Variants in PRR14L observed in about 807,000 individuals in gnomAD.
The protein encoded by PRR14L is proline rich 14 like.
In PRR14L, 80 loss-of-function variants were observed where a neutral mutation model predicts 155.0. The observed-to-expected ratio is 0.52, with a 90% confidence interval of 0.43 to 0.62. The LOEUF is 0.62. Among genes scored for constraint, PRR14L ranks in the 20% least tolerant of loss-of-function variants. The pLI is 0.00. For synonymous variants in PRR14L, 883 were observed against 916.0 expected (o/e 0.96, Z 0.65); for missense variants, 2,469 against 2,548.0 (o/e 0.97, Z 0.67).
Position 31,738,908 on chromosome 22 carries a change from C to G in PRR14L, c.-48G>C. The G allele has an allele frequency of 8.0e-7, 1 of 1,252,718 alleles. No individual in the cohort carries two copies. Among genetic ancestry groups the G allele is most frequent in the Non-Finnish European group, 1.1e-6 (1 of 909,508 alleles). 77.6% of individuals were successfully genotyped at this position (1,252,718 alleles called of 1,614,324 possible). On this transcript the variant is annotated 5_prime_UTR_variant, in exon 2 of 9. Coordinates refer to ENST00000327423, the MANE Select transcript of PRR14L (RefSeq NM_173566.3). Reference sequence around the variant, plus strand: ...GTCAAGTCTTTTACATCAAATGATTCACCCTGACACAAATCACAGGAAGGG... The same window carrying G: ...GTCAAGTCTTTTACATCAAATGATTGACCCTGACACAAATCACAGGAAGGG...
At chr22:31,748,292 CA>C (rs1383119674) in intron 1 of PRR14L, among the ~76,000 whole-genome samples, 1 of 152,166 alleles carries the variant, frequency 6.6e-6, no homozygotes, top group Non-Finnish European at 1.5e-5. Context: ...AATCCCAAGA[CA>C]AACCAAAAGT....
chr22:31,694,584 A>G (rs531547419), intron 7 of PRR14L, among the ~76,000 whole-genome samples: 65 of 151,656 alleles, frequency 4.3e-4, no homozygotes, highest in African/African-American at 1.3e-3. Context: ...TGTCTCTACT[A>G]AAAATACAAA....
chr22:31,702,763 G>A (rs1282479567), intron 6 of PRR14L, among the ~76,000 whole-genome samples: 7 of 151,954 alleles, frequency 4.6e-5, no homozygotes, highest in African/African-American at 9.7e-5. Flanking sequence ...TGATCCGCCC[G>A]CCCTGGCCTC....
intron 1 of PRR14L, among the ~76,000 whole-genome samples, chr22:31,747,594 T>G (rs2074846137): frequency 6.6e-6 from 1 of 151,594 alleles, no homozygotes; most frequent in South Asian, 2.1e-4. Flanking sequence ...ATAAATATCC[T>G]AAGACTCCAA....
At chr22:31,691,231 T>C (rs1221677612) in intron 7 of PRR14L, among the ~76,000 whole-genome samples, 1 of 152,190 alleles carries the variant, frequency 6.6e-6, no homozygotes, top group Non-Finnish European at 1.5e-5. Flanking sequence ...CCTCCCATAG[T>C]GCTGGGATCA....
chr22:31,714,668 G>A lies in PRR14L; in HGVS notation c.3171C>T (p.Tyr1057=), dbSNP rs1352842026. ...ESTEGMVDIV[Y]TDCSNKLAEG... ...CTGCAAGCTTATTACTACAGTCCGT[G>A]TAGACGATGTCTACCATACCTTCTG... is the stretch of plus-strand genomic sequence containing the variant. Residue 1057 remains tyrosine (Y), a synonymous_variant, in exon 4 of 9, where the codon TAC becomes TAT. Coordinates refer to ENST00000327423, the MANE Select transcript of PRR14L (RefSeq NM_173566.3). 1 of 1,552,278 alleles carries A rather than the reference G, an allele frequency of 6.4e-7. No individual in the cohort carries two copies. Among genetic ancestry groups the A allele is most frequent in the Non-Finnish European group, 8.7e-7 (1 of 1,147,130 alleles).
chr22:31,704,679 T>C lies in PRR14L; in HGVS notation c.5804A>G (p.Tyr1935Cys), dbSNP rs746194422. The change falls in exon 5 of 9, where the codon TAT becomes TGT. Residue 1935 changes from tyrosine to cysteine, a missense_variant. Coordinates refer to ENST00000327423, the MANE Select transcript of PRR14L (RefSeq NM_173566.3). ...YVPLPGMEATYNTSGSQTRLE... is the reference protein window; with the variant it reads ...YVPLPGMEATCNTSGSQTRLE... ...CCTCGTCTGACTGCCGCTGGTGTTA[T>C]ATGTAGCTTCCATGCCTGGAAGAGG... 1.4e-5 allele frequency: 23 copies of C among 1,613,874 alleles called. 1 individual carries two copies. The highest frequency in any genetic ancestry group is 4.4e-5 in the South Asian group (4 of 91,084).
rs2074472180 is a variant in PRR14L at position 31,684,505 on chromosome 22, T to C, written c.*1022A>G. 6.6e-6 allele frequency: 1 copy of C among 152,170 alleles called. No individual in the cohort carries two copies. The highest frequency in any genetic ancestry group is 1.5e-5 in the Non-Finnish European group (1 of 68,040). 9.4% of individuals were successfully genotyped at this position (152,170 alleles called of 1,614,324 possible). A position where few individuals can be genotyped will look rare whatever the true frequency, so the allele number is the denominator to read the frequency against. Reference sequence around the variant, plus strand: ...CCATTAAGACCACACCCAACCATAGTAGTTTTTCAATGATCGGGAGAGAAA... The same window carrying C: ...CCATTAAGACCACACCCAACCATAGCAGTTTTTCAATGATCGGGAGAGAAA... On this transcript the variant is annotated 3_prime_UTR_variant, in exon 9 of 9. Transcript: ENST00000327423.
chr22:31,692,147 C>T (rs966790176), intron 7 of PRR14L, among the ~76,000 whole-genome samples: 4 of 152,108 alleles, frequency 2.6e-5, no homozygotes, highest in African/African-American at 4.8e-5. Context: ...GGATTACAGG[C>T]GTGAGCCACC....
chr22:31,733,233 C>G (rs1601514590), intron 2 of PRR14L, among the ~76,000 whole-genome samples: 1 of 150,988 alleles, frequency 6.6e-6, no homozygotes, highest in African/African-American at 2.4e-5. Flanking sequence ...AGACCTCAGG[C>G]AATCCACCCA....
chr22:31,714,005 T>C lies in PRR14L; in HGVS notation c.3834A>G (p.Thr1278=), dbSNP rs945115903. The change falls in exon 4 of 9, where the codon ACA becomes ACG. Residue 1278 remains threonine, a synonymous_variant. Coordinates refer to ENST00000327423, the MANE Select transcript of PRR14L (RefSeq NM_173566.3). ...EMLCENVKDC[T]VLPEMKEIVS... is the part of the protein sequence containing the mutation. ...CTATTTCCTTCATCTCAGGAAGGACTGTGCAGTCCTTTACATTTTCACAAA... is the reference window on the plus strand; with the variant it reads ...CTATTTCCTTCATCTCAGGAAGGACCGTGCAGTCCTTTACATTTTCACAAA... 6.4e-7 allele frequency: 1 copy of C among 1,551,254 alleles called. No individual in the cohort carries two copies. Among genetic ancestry groups the C allele is most frequent in the Non-Finnish European group, 8.7e-7 (1 of 1,146,808 alleles).
intron 1 of PRR14L, among the ~76,000 whole-genome samples, chr22:31,744,844 G>GA (rs1421854890): frequency 3.9e-5 from 6 of 152,122 alleles, no homozygotes; most frequent in Non-Finnish European, 1.5e-5. Flanking sequence ...CATAAACAGT[G>GA]AATACTGATA....
At chr22:31,743,243 A>C (rs990056771) in intron 1 of PRR14L, among the ~76,000 whole-genome samples, 1 of 152,068 alleles carries the variant, frequency 6.6e-6, no homozygotes, top group Non-Finnish European at 1.5e-5. Flanking sequence ...CAGAGGGTGC[A>C]GTGAGCCGAG....
chr22:31,688,307 G>T, intron 7 of PRR14L, 80 bp from the exon 8 acceptor site: 1 of 1,421,342 alleles, frequency 7.0e-7, no homozygotes. Flanking sequence ...CTGTTGCCCA[G>T]GCTGAAGGGC....
chr22:31,749,002 G>C (rs2074856234), intron 1 of PRR14L, among the ~76,000 whole-genome samples: 1 of 152,008 alleles, frequency 6.6e-6, no homozygotes, highest in Non-Finnish European at 1.5e-5. Flanking sequence ...GGCTGCGAGG[G>C]GCATGCATGG....
chr22:31,711,547 G>A (rs1198433000), intron 4 of PRR14L, among the ~76,000 whole-genome samples: 5 of 151,606 alleles, frequency 3.3e-5, no homozygotes, highest in East Asian at 3.9e-4. Flanking sequence ...TTGGGAGGCC[G>A]AGGCAGGTGG....
At position 31,712,182 on chromosome 22, in the gene PRR14L, G is replaced by A. The variant is rs756502225; in HGVS notation, c.5657C>T (p.Ser1886Phe). ...AGAAGGACCATGCTGGCTCCAAATG[G>A]ATAGGACTCTGCCCACCGAGTAGGG... ...SLPYSVGRVL[S>F]IWSQHGPSVC... The change falls in exon 4 of 9, where the codon TCC (serine) becomes TTC (phenylalanine). Residue 1886 changes from serine to phenylalanine, a missense_variant. Around this residue, in one of 2 missense-constraint regions of PRR14L, gnomAD observed 2,363 missense variants for 2,371.6 expected, o/e 1.00. Coordinates refer to ENST00000327423, the MANE Select transcript of PRR14L (RefSeq NM_173566.3). 6.2e-7 allele frequency: 1 copy of A among 1,614,014 alleles called. No individual in the cohort carries two copies. The highest frequency in any genetic ancestry group is 1.1e-5 in the South Asian group (1 of 91,070).
At chr22:31,704,589 A>C in intron 5 of PRR14L, 66 bp downstream of exon 5, 1 of 1,316,252 alleles carries the variant, frequency 7.6e-7, no homozygotes, top group African/African-American at 1.4e-5. Context: ...CCACCTATGT[A>C]TGCACTCTCT....
At chr22:31,699,016 A>G (rs902782017) in intron 7 of PRR14L, among the ~76,000 whole-genome samples, 2 of 152,142 alleles carry the variant, frequency 1.3e-5, no homozygotes, top group Non-Finnish European at 2.9e-5. Context: ...ACTTCAAAAC[A>G]TACAATGCTT....
Sources: allele counts gnomAD v4.1 joint callset (sites outside exome capture counted in the v4.1 genomes callset), GRCh38; gene constraint gnomAD v4.1.1; regional missense constraint gnomAD v4.1.1; transcripts MANE v1.5; gene names NCBI Gene and HGNC (gene_info 2026-07-23, HGNC 2026-07-21).